The following GLMN variants were observed in gnomAD, a reference collection of about 807,000 sequenced individuals.
The protein encoded by GLMN is glomulin, FKBP associated protein.
In GLMN, 75 loss-of-function variants were observed where a neutral mutation model predicts 87.8. The ratio of observed to expected loss-of-function variants is 0.85; its 90% CI spans 0.71 to 1.04. GLMN has a LOEUF of 1.04. Ranked by LOEUF, GLMN falls within the 50% of genes least tolerant of loss-of-function variation. The pLI, the probability that GLMN is intolerant of heterozygous loss-of-function variation, is 0.00. For missense variants in GLMN, 588 were observed against 658.8 expected (o/e 0.89, Z 1.18); for synonymous variants, 206 against 221.6 (o/e 0.93, Z 0.63).
the GLMN span, among the ~76,000 whole-genome samples, chr1:92,309,352 G>C: frequency 2.3e-3 from 347 of 150,858 alleles, 1 homozygote; most frequent in African/African-American, 8.0e-3. Flanking sequence ...TGAGGTAGGA[G>C]AATTGCTTGA....
chr1:92,318,327 T>C, the GLMN span, among the ~76,000 whole-genome samples: 2 of 152,208 alleles, frequency 1.3e-5, no homozygotes, highest in East Asian at 1.9e-4. Flanking sequence ...TGTTACTCAC[T>C]TTATGGATGG....
chr1:92,258,886 C>CG (rs1654626220), intron 16 of GLMN, among the ~76,000 whole-genome samples: 3 of 152,060 alleles, frequency 2.0e-5, no homozygotes. Flanking sequence ...TATCCCAGAA[C>CG]TTAAAAGTAT....
At chr1:92,363,961 TAGTTA>T in the GLMN span, among the ~76,000 whole-genome samples, 2 of 152,198 alleles carry the variant, frequency 1.3e-5, no homozygotes, top group African/African-American at 4.8e-5. Flanking sequence ...AGGCTATTTA[TAGTTA>T]AGTTTTGGGG....
chr1:92,336,302 C>A, the GLMN span: 1 of 1,380,566 alleles, frequency 7.2e-7, no homozygotes, highest in Non-Finnish European at 1.0e-6. Context: ...AAAAAAGTTT[C>A]CATATAATTT....
In GLMN at chr1:92,297,535, A is replaced by C. The variant is rs1650246578; in HGVS notation, c.40-6T>G. The C allele has an allele frequency of 1.4e-5, 6 of 424,368 alleles. No homozygotes were observed. The highest frequency in any genetic ancestry group is 3.9e-5 in the South Asian group (1 of 25,894). The allele number at this position is 424,368 out of a possible 1,614,324, so 26.3% of individuals were successfully genotyped here. ...TCTTGCTCTTCTAGGATTTGCTGGCAAAAAAAAAAAAAACCCAAAAAACAA... is the reference window on the plus strand; with the variant it reads ...TCTTGCTCTTCTAGGATTTGCTGGCCAAAAAAAAAAAAACCCAAAAAACAA... On this transcript the variant is annotated splice_polypyrimidine_tract_variant and splice_region_variant and intron_variant, in intron 2 of 18. Transcript: ENST00000370360.
chr1:92,299,104 G>C (rs764666965), upstream of GLMN: 20 of 1,520,868 alleles, frequency 1.3e-5, no homozygotes, highest in South Asian at 1.0e-4. Flanking sequence ...GTCTTCTGCC[G>C]GCCGCAAGGC....
At chr1:92,303,871 C>T, upstream of GLMN, 2 of 659,630 alleles carry the variant, frequency 3.0e-6, no homozygotes, top group Non-Finnish European at 5.0e-6. Flanking sequence ...GAGGAAGGTA[C>T]TATTGCTATC....
intron 7 of GLMN, among the ~76,000 whole-genome samples, chr1:92,278,548 C>T (rs1647579420): frequency 6.6e-6 from 1 of 152,168 alleles, no homozygotes; most frequent in Admixed American, 6.5e-5. Flanking sequence ...AATTGGCTCT[C>T]ATCTGAAAAC....
At chr1:92,259,018 A>T (rs1654646564) in intron 16 of GLMN, among the ~76,000 whole-genome samples, 1 of 152,200 alleles carries the variant, frequency 6.6e-6, no homozygotes, top group African/African-American at 2.4e-5. Context: ...ACACAGACTA[A>T]GCAATTCAAT....
the GLMN span, among the ~76,000 whole-genome samples, chr1:92,360,079 A>T: frequency 6.6e-6 from 1 of 152,368 alleles, no homozygotes; most frequent in African/African-American, 2.4e-5. Flanking sequence ...CAGAGCTAAG[A>T]TTCAGACTCA....
chr1:92,295,759 C>G (rs994634948), intron 3 of GLMN, among the ~76,000 whole-genome samples: 7 of 152,106 alleles, frequency 4.6e-5, no homozygotes, highest in African/African-American at 7.2e-5. Context: ...AGTCATTTAA[C>G]TTTTCAGTTA....
At chr1:92,310,063 G>C in the GLMN span, among the ~76,000 whole-genome samples, 1 of 152,142 alleles carries the variant, frequency 6.6e-6, no homozygotes, top group Non-Finnish European at 1.5e-5. Context: ...TATGAGACCA[G>C]GATTCTATTT....
chr1:92,282,842 T>G (rs1218904506), intron 7 of GLMN, among the ~76,000 whole-genome samples: 2 of 152,148 alleles, frequency 1.3e-5, no homozygotes, highest in African/African-American at 2.4e-5. Context: ...GAGAATAGTA[T>G]AAACACCTCT....
chr1:92,342,950 A>G, the GLMN span, among the ~76,000 whole-genome samples: 1 of 152,188 alleles, frequency 6.6e-6, no homozygotes, highest in Non-Finnish European at 1.5e-5. Context: ...TGTCAAGTGG[A>G]CCCTTAGATA....
At chr1:92,365,878 T>G in the GLMN span, among the ~76,000 whole-genome samples, 4 of 152,138 alleles carry the variant, frequency 2.6e-5, no homozygotes, top group Middle Eastern at 3.4e-3. Flanking sequence ...CTGGGGTTAT[T>G]TGTTCATCTT....
chr1:92,321,902 AT>A, the GLMN span, among the ~76,000 whole-genome samples: 338 of 125,976 alleles, frequency 2.7e-3, no homozygotes, highest in African/African-American at 8.6e-3. Context: ...AATTCCTGTA[AT>A]TTTTTTTTTT....
At chr1:92,369,117 T>C in the GLMN span, among the ~76,000 whole-genome samples, 2 of 152,236 alleles carry the variant, frequency 1.3e-5, no homozygotes, top group Non-Finnish European at 2.9e-5. Flanking sequence ...GAAATAACTT[T>C]CAACAGAAAT....
chr1:92,319,043 A>G, the GLMN span, among the ~76,000 whole-genome samples: 1 of 152,164 alleles, frequency 6.6e-6, no homozygotes, highest in African/African-American at 2.4e-5. Context: ...TACATGCTTT[A>G]AAAAAGAGAA....
intron 7 of GLMN, 90 bp from the exon 8 acceptor site, chr1:92,271,742 G>A (rs371155982): frequency 1.1e-6 from 1 of 890,958 alleles, no homozygotes. Flanking sequence ...CTCACCAAGG[G>A]GAGGTGTAAT....
Sources: gnomAD v4.1 joint callset for allele counts (sites outside exome capture counted in the v4.1 genomes callset) on GRCh38, gnomAD v4.1.1 for gene constraint, MANE v1.5 for transcripts, NCBI Gene and HGNC (gene_info 2026-07-23, HGNC 2026-07-21) for gene names.